DIP2B: variants seen among roughly 807,000 people sequenced by gnomAD.
The protein encoded by DIP2B is DIP2 acetate--CoA ligase B (putative).
DIP2B carries 76 observed loss-of-function variants against 198.0 expected under a neutral mutation model. That is an observed-to-expected ratio of 0.38 (90% CI 0.32 to 0.46). The LOEUF (loss-of-function observed/expected upper bound fraction) is 0.46, where lower values mean the gene tolerates loss of function less well. DIP2B is among the 20% of genes least tolerant of loss of function. DIP2B has a pLI of 0.99. For missense variants in DIP2B, 1,559 were observed against 1,978.4 expected (o/e 0.79, Z 4.02); for synonymous variants, 701 against 739.1 (o/e 0.95, Z 0.84).
rs1436816982 is a variant in DIP2B at position 50,695,930 on chromosome 12, C to T, written c.1896C>T (p.Ser632=). The T allele has an allele frequency of 3.1e-6, 5 of 1,613,974 alleles. No individual in the cohort carries two copies. The East Asian group carries it at 1.1e-4, about 36-fold the overall frequency. Residue 632 remains serine, a synonymous_variant, in exon 16 of 38, where the codon TCC becomes TCT. Transcript: ENST00000301180. The part of the protein sequence containing the change: ...HRDQRDVSLS[S]LRMLIVTDGA... ...ACCAAAGAGACGTGAGCTTGAGTTC[C>T]CTCCGAATGTTAATTGTGACTGATG...
At position 50,699,512 on chromosome 12, in the gene DIP2B, G is replaced by A. The variant is rs141689886; in HGVS notation, c.2325+310G>A. On this transcript the variant is annotated intron_variant, in intron 19 of 37. Transcript: ENST00000301180. ...GCTTAGAAAGAGCATCTGGCATATA[G>A]GAAGTGCTGTTGTGTATCTGTTAGA... is the stretch of plus-strand genomic sequence containing the variant. 5.0e-3 allele frequency among the ~76,000 whole-genome samples: 765 copies of A among 152,298 alleles called. 7 individuals are homozygous for A. The highest frequency in any genetic ancestry group is 0.017 in the Middle Eastern group (5 of 294).
intron 1 of DIP2B, among the ~76,000 whole-genome samples, chr12:50,576,194 T>G (rs1415078936): frequency 6.7e-6 from 1 of 150,062 alleles, no homozygotes; most frequent in Non-Finnish European, 1.5e-5. Flanking sequence ...CTCAGCCTCC[T>G]GAGTAGCTAG....
intron 1 of DIP2B, among the ~76,000 whole-genome samples, chr12:50,598,473 T>C (rs1355872675): frequency 1.3e-5 from 2 of 151,712 alleles, no homozygotes; most frequent in East Asian, 2.0e-4. Context: ...CTGGAACATA[T>C]TATTTTACCT....
chr12:50,632,644 C>G (rs796900065), intron 2 of DIP2B, among the ~76,000 whole-genome samples: 2 of 151,466 alleles, frequency 1.3e-5, no homozygotes, highest in Non-Finnish European at 2.9e-5. Context: ...TCAAGTGATT[C>G]TCCTGCCTCA....
chr12:50,689,616 G>C (rs1001979507), intron 12 of DIP2B, among the ~76,000 whole-genome samples: 1 of 152,196 alleles, frequency 6.6e-6, no homozygotes, highest in African/African-American at 2.4e-5. Context: ...TCCAGGGGCA[G>C]GGACGGGGGT....
intron 36 of DIP2B, 129 bp from the exon 37 acceptor site, chr12:50,741,287 C>T: frequency 2.7e-6 from 3 of 1,127,992 alleles, no homozygotes; most frequent in Non-Finnish European, 3.6e-6. Flanking sequence ...AAGGAATTTG[C>T]CCAGAGTTAC....
chr12:50,512,657 C>T (rs1202361747), intron 1 of DIP2B, among the ~76,000 whole-genome samples: 2 of 152,148 alleles, frequency 1.3e-5, no homozygotes, highest in South Asian at 2.1e-4. Flanking sequence ...TTTATTAGCT[C>T]TGTGACTTTG....
rs138982098 is a variant in DIP2B at position 50,628,706 on chromosome 12, G to A, written c.172+2659G>A. Among the ~76,000 whole-genome samples, 698 of 152,138 alleles carry A rather than the reference G, an allele frequency of 4.6e-3. 8 individuals carry two copies. Among genetic ancestry groups the A allele is most frequent in the African/African-American group, 0.016 (659 of 41,502 alleles). On this transcript the variant is annotated intron_variant, in intron 2 of 37. Transcript: ENST00000301180. ...TCCATTTTCACCCTCTTTGTTTCCTGTTTCTAATCAAACTGCTCAGAACTG... is the reference window on the plus strand; with the variant it reads ...TCCATTTTCACCCTCTTTGTTTCCTATTTCTAATCAAACTGCTCAGAACTG...
At chr12:50,575,622 A>G (rs1402075235) in intron 1 of DIP2B, among the ~76,000 whole-genome samples, 1 of 152,114 alleles carries the variant, frequency 6.6e-6, no homozygotes, top group African/African-American at 2.4e-5. Context: ...TCCTGGGCTC[A>G]AGTGATCTGC....
At chr12:50,598,559 G>C (rs139052228) in intron 1 of DIP2B, among the ~76,000 whole-genome samples, 2 of 151,760 alleles carry the variant, frequency 1.3e-5, no homozygotes, top group Non-Finnish European at 1.5e-5. Context: ...CTGCCACTGC[G>C]TCATCTCTCT....
At chr12:50,505,739 C>T (rs1450813188) in intron 1 of DIP2B, among the ~76,000 whole-genome samples, 1 of 152,144 alleles carries the variant, frequency 6.6e-6, no homozygotes, top group African/African-American at 2.4e-5. Flanking sequence ...CGCGATGCCT[C>T]CCCAGTGACA....
At chr12:50,513,509 G>C (rs531593820) in intron 1 of DIP2B, among the ~76,000 whole-genome samples, 2 of 152,304 alleles carry the variant, frequency 1.3e-5, no homozygotes, top group African/African-American at 4.8e-5. Flanking sequence ...CAGAAACGAT[G>C]GTTTTTACTC....
intron 2 of DIP2B, among the ~76,000 whole-genome samples, chr12:50,627,842 C>T (rs1937965736): frequency 6.6e-6 from 1 of 152,252 alleles, no homozygotes; most frequent in African/African-American, 2.4e-5. Flanking sequence ...ACTCCTTCAA[C>T]TTCCTGATGC....
At chr12:50,623,421 ACACACACACACACACACTCTCTCT>A (rs1463464710) in intron 1 of DIP2B, among the ~76,000 whole-genome samples, 31 of 97,046 alleles carry the variant, frequency 3.2e-4, no homozygotes, top group African/African-American at 1.3e-3. Flanking sequence ...ACACACACAC[ACACACACACACACACACTCTCTCT>A]CTCTCTCTCT....
intron 2 of DIP2B, among the ~76,000 whole-genome samples, chr12:50,637,441 CT>C (rs1349739683): frequency 6.6e-6 from 1 of 152,156 alleles, no homozygotes; most frequent in Non-Finnish European, 1.5e-5. Context: ...AAACACCATG[CT>C]TTTGAATAAA....
intron 1 of DIP2B, among the ~76,000 whole-genome samples, chr12:50,524,555 C>T (rs906395498): frequency 6.6e-6 from 1 of 152,008 alleles, no homozygotes; most frequent in Non-Finnish European, 1.5e-5. Flanking sequence ...TCCCTGCCTC[C>T]CTCCATCCTC....
intron 1 of DIP2B, among the ~76,000 whole-genome samples, chr12:50,556,584 C>T (rs1371326942): frequency 4.1e-5 from 6 of 146,326 alleles, no homozygotes; most frequent in East Asian, 2.0e-4. Context: ...GATGGAGTCT[C>T]GCCCTGTCGC....
rs965419576 is a variant in DIP2B at position 50,660,323 on chromosome 12, G to T, written c.427+4G>T. On this transcript the variant is annotated splice_donor_region_variant and intron_variant, in intron 4 of 37. Transcript: ENST00000301180. ...GCAGATGCCTGCACACCTCCTGGTA[G>T]GTTTATCAGAGCTTTTTCTCTCTGA... 1.3e-6 allele frequency: 2 copies of T among 1,594,654 alleles called. No homozygotes were observed. The highest frequency in any genetic ancestry group is 1.7e-6 in the Non-Finnish European group (2 of 1,172,498).
At chr12:50,524,397 G>A (rs990534907) in intron 1 of DIP2B, among the ~76,000 whole-genome samples, 5 of 152,014 alleles carry the variant, frequency 3.3e-5, no homozygotes, top group African/African-American at 9.7e-5. Flanking sequence ...ATTCAGATAC[G>A]TTTCCATGGC....
Sources: allele counts gnomAD v4.1 joint callset (sites outside exome capture counted in the v4.1 genomes callset), GRCh38; gene constraint gnomAD v4.1.1; transcripts MANE v1.5; gene names NCBI Gene and HGNC (gene_info 2026-07-23, HGNC 2026-07-21).